ST3GAL1: variants seen among roughly 807,000 people sequenced by gnomAD.
ST3GAL1 encodes the protein CMP-N-acetylneuraminate-beta-galactosamide-alpha-2,3-sialyltransferase 1.
Under a neutral mutation model 34.1 loss-of-function variants are expected in ST3GAL1, and 16 were observed. The ratio of observed to expected loss-of-function variants is 0.47; its 90% CI spans 0.32 to 0.71. The LOEUF is 0.71. Ranked by LOEUF, ST3GAL1 falls within the 30% of genes least tolerant of loss-of-function variation. ST3GAL1 has a pLI of 0.04. For missense variants in ST3GAL1, 353 were observed against 447.4 expected, an observed-to-expected ratio of 0.79 and a Z score of 1.90; for synonymous variants, 191 against 184.7, an observed-to-expected ratio of 1.03 and a Z score of -0.28.
rs537917960 is a variant in ST3GAL1, at chr8:133,488,299, G to A, written c.-374+10836C>T. 3.9e-5 allele frequency: 6 copies of A among 152,344 alleles called. No individual in the cohort carries two copies. The South Asian group carries it at 1.2e-3, about 32-fold the overall frequency. 9.4% of individuals were successfully genotyped at this position (152,344 alleles called of 1,614,324 possible). A position where few individuals can be genotyped will look rare whatever the true frequency, so the allele number is the denominator to read the frequency against. ...GCCATGGAGTCCAGTAGTTTGGTCA[G>A]ACACTCGTCTAGGTATTTCAGGGAA... On this transcript the variant is annotated intron_variant, in intron 3 of 9. Coordinates refer to ENST00000522652, the MANE Select transcript of ST3GAL1 (RefSeq NM_173344.3).
intron 1 of ST3GAL1, among the ~76,000 whole-genome samples, chr8:133,561,334 C>G (rs1029157288): frequency 6.6e-6 from 1 of 152,078 alleles, no homozygotes; most frequent in African/African-American, 2.4e-5. Context: ...TACATGTCTC[C>G]GAGTGCCATG....
At chr8:133,464,516 CAT>C (rs2130921187) in intron 7 of ST3GAL1, among the ~76,000 whole-genome samples, 1 of 152,352 alleles carries the variant, frequency 6.6e-6, no homozygotes, top group African/African-American at 2.4e-5. Flanking sequence ...GGCCCCTTCC[CAT>C]AGAGTCTCCA....
intron 2 of ST3GAL1, among the ~76,000 whole-genome samples, chr8:133,512,625 A>G (rs1817527703): frequency 6.6e-6 from 1 of 152,144 alleles, no homozygotes; most frequent in Non-Finnish European, 1.5e-5. Flanking sequence ...CCCAGGTCCT[A>G]TGGCCAGCTG....
intron 2 of ST3GAL1, among the ~76,000 whole-genome samples, chr8:133,541,812 C>T (rs762191817): frequency 2.6e-5 from 4 of 152,014 alleles, no homozygotes; most frequent in African/African-American, 4.8e-5. Context: ...CTTGGGCCAC[C>T]GAGTTGATGT....
chr8:133,459,916 C>G lies in ST3GAL1; in HGVS notation c.871G>C (p.Ala291Pro), dbSNP rs759888158. The G allele has an allele frequency of 2.5e-6, 4 of 1,613,002 alleles. No homozygotes were observed. The highest frequency in any genetic ancestry group is 3.4e-6 in the Non-Finnish European group (4 of 1,179,424). ...TGGTGCCAGTTCCCTTTGCTGTCTGCCCCGAAGCCGTACAAGTCCACCTGT... is the reference window on the plus strand; with the variant it reads ...TGGTGCCAGTTCCCTTTGCTGTCTGGCCCGAAGCCGTACAAGTCCACCTGT... ...CDEVDLYGFG[A>P]DSKGNWHHYW... The change falls in exon 10 of 10, where the codon GCA (alanine) becomes CCA (proline). Residue 291 changes from alanine (A) to proline (P), a missense_variant. Transcript: ENST00000522652. This position sits in a 1 kb window ranked among gnomAD's most constrained non-coding sequence, Gnocchi z 4.7.
intron 2 of ST3GAL1, among the ~76,000 whole-genome samples, chr8:133,520,378 C>T (rs569996063): frequency 6.6e-6 from 1 of 152,170 alleles, no homozygotes; most frequent in Non-Finnish European, 1.5e-5. Flanking sequence ...GAAGTTTCTG[C>T]GTCTTGACAC....
chr8:133,520,780 T>C (rs1283082745), intron 2 of ST3GAL1, among the ~76,000 whole-genome samples: 10 of 150,528 alleles, frequency 6.6e-5, no homozygotes, highest in African/African-American at 2.4e-4. Context: ...TGGGTTTTTT[T>C]TTTTTTTTTT....
intron 2 of ST3GAL1, among the ~76,000 whole-genome samples, chr8:133,509,744 TG>T (rs1237423609): frequency 6.6e-6 from 1 of 152,096 alleles, no homozygotes; most frequent in East Asian, 1.9e-4. Flanking sequence ...TGGAGGGCAG[TG>T]AATGTAACCC....
rs561008302 is a variant in ST3GAL1, at chr8:133,556,018, C to T, written c.-581-10092G>A. 2.4e-4 allele frequency among the ~76,000 whole-genome samples: 37 copies of T among 152,202 alleles called. No individual in the cohort carries two copies. Among genetic ancestry groups the T allele is most frequent in the African/African-American group, 5.8e-4 (24 of 41,552 alleles). On this transcript the variant is annotated intron_variant, in intron 1 of 9. Transcript: ENST00000522652. The surrounding 1 kb of genome is among the most constrained non-coding windows in gnomAD (Gnocchi z 8.9). ...AAGCAATTCTCGTGCCTCAGCCTCCCGCGTAGCTGGGATTACAGGCACCTG... is the reference window on the plus strand; with the variant it reads ...AAGCAATTCTCGTGCCTCAGCCTCCTGCGTAGCTGGGATTACAGGCACCTG...
intron 2 of ST3GAL1, among the ~76,000 whole-genome samples, chr8:133,506,122 T>A (rs971020864): frequency 1.3e-5 from 2 of 152,184 alleles, no homozygotes; most frequent in Non-Finnish European, 2.9e-5. Context: ...ATTTCCATCA[T>A]CAGGAAAGTT....
At position 133,456,183 on chromosome 8, in the gene ST3GAL1, C is replaced by G. The variant is rs1186270832; in HGVS notation, c.*3581G>C. ...TCCAGCCCAGGATCCCTGCAGAGAACCAGAGGTTACAAATCTGCCCTCCTT... is the reference window on the plus strand; with the variant it reads ...TCCAGCCCAGGATCCCTGCAGAGAAGCAGAGGTTACAAATCTGCCCTCCTT... On this transcript the variant is annotated 3_prime_UTR_variant, in exon 10 of 10. Coordinates refer to ENST00000522652, the MANE Select transcript of ST3GAL1 (RefSeq NM_173344.3). 6.6e-6 allele frequency: 1 copy of G among 152,242 alleles called. No individual in the cohort carries two copies. Among genetic ancestry groups the G allele is most frequent in the Non-Finnish European group, 1.5e-5 (1 of 68,038 alleles). 9.4% of individuals were successfully genotyped at this position (152,242 alleles called of 1,614,324 possible). A position where few individuals can be genotyped will look rare whatever the true frequency, so the allele number is the denominator to read the frequency against.
At chr8:133,502,674 A>G (rs981889420) in intron 2 of ST3GAL1, among the ~76,000 whole-genome samples, 20 of 152,204 alleles carry the variant, frequency 1.3e-4, no homozygotes, top group African/African-American at 4.8e-4. Flanking sequence ...GCAGGACTAT[A>G]ATTATCATCC....
At chr8:133,539,627 T>G (rs561609749) in intron 2 of ST3GAL1, 39 of 152,360 alleles carry the variant, frequency 2.6e-4, no homozygotes, top group African/African-American at 8.4e-4. Flanking sequence ...CCAGTTATGG[T>G]GGCTCATACC....
chr8:133,484,995 T>C (rs1816531774), intron 3 of ST3GAL1, among the ~76,000 whole-genome samples: 1 of 152,220 alleles, frequency 6.6e-6, no homozygotes, highest in South Asian at 2.1e-4. Context: ...GGCTAGAAGC[T>C]AGAGTGGTAT....
chr8:133,557,386 C>G (rs1260491193), intron 1 of ST3GAL1, among the ~76,000 whole-genome samples: 3 of 152,076 alleles, frequency 2.0e-5, no homozygotes, highest in Non-Finnish European at 4.4e-5. Context: ...CAGGAGGGCA[C>G]AGAAGGCATG....
intron 2 of ST3GAL1, among the ~76,000 whole-genome samples, chr8:133,538,650 T>A (rs181764976): frequency 2.0e-5 from 3 of 152,344 alleles, no homozygotes; most frequent in East Asian, 3.9e-4. Context: ...TCTCTGTGCA[T>A]ATGTAATTAG....
At chr8:133,558,900 G>A (rs1323642851) in intron 1 of ST3GAL1, among the ~76,000 whole-genome samples, 1 of 152,148 alleles carries the variant, frequency 6.6e-6, no homozygotes, top group Admixed American at 6.5e-5. Flanking sequence ...GGACCACTGT[G>A]TGTGTGGAGT....
intron 1 of ST3GAL1, among the ~76,000 whole-genome samples, chr8:133,551,609 A>AGAAG (rs1563739224): frequency 2.9e-5 from 4 of 138,852 alleles, no homozygotes; most frequent in African/African-American, 8.1e-5. Context: ...AAAGAAAGAA[A>AGAAG]GAAAGAAAGA....
At chr8:133,468,140 G>C (rs997897523) in intron 5 of ST3GAL1, among the ~76,000 whole-genome samples, 3 of 152,010 alleles carry the variant, frequency 2.0e-5, no homozygotes, top group African/African-American at 7.2e-5. Context: ...ATTGAAAGCA[G>C]GGTCTCAAGC....
Sources: gnomAD v4.1 joint callset for allele counts (sites outside exome capture counted in the v4.1 genomes callset) on GRCh38, gnomAD v4.1.1 for gene constraint, Gnocchi (gnomAD v3.1) non-coding constraint, MANE v1.5 for transcripts, NCBI Gene and HGNC (gene_info 2026-07-23, HGNC 2026-07-21) for gene names.